Variants in MICU1 observed in about 807,000 individuals in gnomAD.
The protein encoded by MICU1 is calcium uptake protein 1, mitochondrial.
Under a neutral mutation model 56.8 loss-of-function variants are expected in MICU1, and 45 were observed. The observed-to-expected ratio is 0.79, with a 90% CI of 0.62 to 1.02. The LOEUF (loss-of-function observed/expected upper bound fraction) is 1.02. Among genes scored for constraint, MICU1 ranks in the 50% least tolerant of loss-of-function variants. The pLI, the probability that MICU1 is intolerant of heterozygous loss-of-function variation, is 0.00. For missense variants in MICU1, 504 were observed against 587.1 expected, an observed-to-expected ratio of 0.86 and a Z score of 1.46; for synonymous variants, 186 against 195.1, an observed-to-expected ratio of 0.95 and a Z score of 0.39.
intron 10 of MICU1, among the ~76,000 whole-genome samples, chr10:72,378,154 G>A (rs2132041226): frequency 6.6e-6 from 1 of 152,306 alleles, no homozygotes; most frequent in South Asian, 2.1e-4. Flanking sequence ...TCAGGAGGCT[G>A]AGACATGAGA....
intron 10 of MICU1, among the ~76,000 whole-genome samples, chr10:72,393,232 T>C (rs1176415307): frequency 6.6e-6 from 1 of 152,212 alleles, no homozygotes; most frequent in South Asian, 2.1e-4. Flanking sequence ...GCAAGACAGA[T>C]AAGCATTCTA....
rs1284160444 is a variant in MICU1 at position 72,553,137 on chromosome 10, A to AAGTTTT, written c.331-1797_331-1796insAAAACT. 2.2e-4 allele frequency among the ~76,000 whole-genome samples: 34 copies of AAGTTTT among 152,370 alleles called. No homozygotes were observed. The East Asian group carries it at 6.2e-3, about 28-fold the overall frequency. ...ACAGTAAAGAGTTTTGCAACCTCTC[A>AAGTTTT]GCAGCCTTGAGACATAGCTACAAGT... On this transcript the variant is annotated intron_variant, in intron 3 of 11. Coordinates refer to ENST00000361114, the MANE Select transcript of MICU1 (RefSeq NM_001195518.2).
intron 8 of MICU1, among the ~76,000 whole-genome samples, chr10:72,465,760 T>G (rs1865777191): frequency 6.6e-6 from 1 of 151,978 alleles, no homozygotes; most frequent in South Asian, 2.1e-4. Context: ...GTGATCTGCC[T>G]GCCTCGGCCT....
At chr10:72,624,600 A>G (rs1432091603) in intron 1 of MICU1, among the ~76,000 whole-genome samples, 2 of 152,202 alleles carry the variant, frequency 1.3e-5, no homozygotes, top group African/African-American at 4.8e-5. Flanking sequence ...TCTTGCATTT[A>G]TTAGCTTCTA....
chr10:72,515,540 T>C (rs917256767), intron 5 of MICU1, among the ~76,000 whole-genome samples: 1 of 152,200 alleles, frequency 6.6e-6, no homozygotes, highest in African/African-American at 2.4e-5. Context: ...CTATAATTCC[T>C]TTCTAGGAAA....
chr10:72,384,020 G>T (rs951274949), intron 10 of MICU1, among the ~76,000 whole-genome samples: 4 of 151,832 alleles, frequency 2.6e-5, no homozygotes, highest in African/African-American at 9.7e-5. Flanking sequence ...TTGAGACAGG[G>T]TCTTGCTCTG....
intron 8 of MICU1, among the ~76,000 whole-genome samples, chr10:72,457,143 A>G (rs1397015464): frequency 6.6e-6 from 1 of 151,792 alleles, no homozygotes; most frequent in Non-Finnish European, 1.5e-5. Flanking sequence ...TTCTTATGCA[A>G]TAATAGGTTG....
chr10:72,561,740 A>G (rs7905119), intron 3 of MICU1, among the ~76,000 whole-genome samples: 91,848 of 152,042 alleles, frequency 0.6, 29,275 homozygotes, highest in African/African-American at 0.71. Context: ...GAACCCAGGA[A>G]GCGGAGGTTA....
intron 1 of MICU1, among the ~76,000 whole-genome samples, chr10:72,615,150 C>A (rs186254631): frequency 6.0e-4 from 91 of 152,234 alleles, no homozygotes; most frequent in African/African-American, 2.1e-3. Flanking sequence ...CTCAGTCTCA[C>A]TCTGTTGCCT....
chr10:72,490,472 A>T (rs1866617868), intron 6 of MICU1, among the ~76,000 whole-genome samples: 1 of 152,132 alleles, frequency 6.6e-6, no homozygotes, highest in South Asian at 2.1e-4. Context: ...AGCTCAATGG[A>T]AGAAGAGGCT....
At chr10:72,612,011 CA>C (rs55767300) in intron 1 of MICU1, among the ~76,000 whole-genome samples, 4,167 of 119,922 alleles carry the variant, frequency 0.035, 208 homozygotes, top group African/African-American at 0.12. Flanking sequence ...ACCAACCAAC[CA>C]AAAAAAAAAA....
At chr10:72,442,352 C>T (rs1864963143) in intron 8 of MICU1, among the ~76,000 whole-genome samples, 1 of 152,058 alleles carries the variant, frequency 6.6e-6, no homozygotes, top group South Asian at 2.1e-4. Flanking sequence ...CCATGTTGGA[C>T]AGGCTGGTCT....
At position 72,494,851 on chromosome 10, in the gene MICU1, A is replaced by G. The variant is rs528598120; in HGVS notation, c.652+13304T>C. Among the ~76,000 whole-genome samples the G allele has an allele frequency of 9.9e-5, 15 of 152,144 alleles. 1 individual carries two copies. In the South Asian group the frequency reaches 2.3e-3, roughly 23 times the overall value. Reference sequence around the variant, plus strand: ...ACTTCAGCCCTGATTCTAAAAAAAAAAAAAACAAAACAAAAAACCATGTAT... The same window carrying G: ...ACTTCAGCCCTGATTCTAAAAAAAAGAAAAACAAAACAAAAAACCATGTAT... On this transcript the variant is annotated intron_variant, in intron 6 of 11. Transcript: ENST00000361114.
intron 10 of MICU1, among the ~76,000 whole-genome samples, chr10:72,385,525 AAAGT>A (rs1173191621): frequency 6.6e-6 from 1 of 152,164 alleles, no homozygotes; most frequent in Non-Finnish European, 1.5e-5. Context: ...ACCAAAAAAC[AAAGT>A]AAGGGTTTAA....
At chr10:72,462,205 ATTTCT>A (rs1415454382) in intron 8 of MICU1, among the ~76,000 whole-genome samples, 10 of 149,158 alleles carry the variant, frequency 6.7e-5, no homozygotes, top group Admixed American at 1.3e-4. Flanking sequence ...TATTAAATGT[ATTTCT>A]TTTCTTTTCT....
intron 10 of MICU1, among the ~76,000 whole-genome samples, chr10:72,384,724 A>G (rs1862830629): frequency 6.6e-6 from 1 of 152,214 alleles, no homozygotes; most frequent in Non-Finnish European, 1.5e-5. Flanking sequence ...CATAAAGCAA[A>G]CATTTATTTC....
intron 4 of MICU1, among the ~76,000 whole-genome samples, chr10:72,543,740 A>C (rs1200321064): frequency 1.3e-5 from 2 of 151,994 alleles, no homozygotes; most frequent in African/African-American, 4.8e-5. Context: ...CTGTAGTCCC[A>C]GCTGGAGGCT....
chr10:72,468,404 C>A (rs1177867790), intron 8 of MICU1, among the ~76,000 whole-genome samples: 1 of 150,952 alleles, frequency 6.6e-6, no homozygotes, highest in African/African-American at 2.4e-5. Context: ...TTTTGACTGA[C>A]ATCCTACTTG....
chr10:72,414,587 T>C (rs1190176444), intron 9 of MICU1, among the ~76,000 whole-genome samples: 1 of 152,220 alleles, frequency 6.6e-6, no homozygotes, highest in Non-Finnish European at 1.5e-5. Context: ...GATGGAAATG[T>C]TCTAAAACTG....
Sources: allele counts gnomAD v4.1 joint callset (sites outside exome capture counted in the v4.1 genomes callset), GRCh38; gene constraint gnomAD v4.1.1; transcripts MANE v1.5; gene names NCBI Gene and HGNC (gene_info 2026-07-23, HGNC 2026-07-21).